The following SETX variants were observed in gnomAD, a reference collection of about 807,000 sequenced individuals.
SETX encodes senataxin, also known as helicase senataxin.
In SETX, 90 loss-of-function variants were observed where a neutral mutation model predicts 227.2. The ratio of observed to expected loss-of-function variants is 0.40; its 90% confidence interval spans 0.33 to 0.47. The LOEUF is 0.47. Among genes scored for constraint, SETX ranks in the 20% least tolerant of loss-of-function variants. The probability of loss-of-function intolerance (pLI) is 0.91; values close to 1 mark genes in which losing one functional copy is unlikely to be tolerated. For synonymous variants in SETX, 1,210 were observed against 1,113.2 expected (o/e 1.09, Z -1.73); for missense variants, 3,052 against 3,181.5 (o/e 0.96, Z 0.98).
chr9:132,321,518 A>C (rs992845805), intron 10 of SETX, among the ~76,000 whole-genome samples: 1 of 152,090 alleles, frequency 6.6e-6, no homozygotes, highest in Non-Finnish European at 1.5e-5. Context: ...TTAGCCAGGC[A>C]TGGTGGCAGG....
chr9:132,265,326 C>T (rs1002217548), intron 25 of SETX, among the ~76,000 whole-genome samples: 1 of 149,604 alleles, frequency 6.7e-6, no homozygotes, highest in African/African-American at 2.5e-5. Flanking sequence ...CCCGGGTTCA[C>T]GCCATTCTCC....
intron 10 of SETX, among the ~76,000 whole-genome samples, chr9:132,321,688 A>AC (rs1486144858): frequency 6.7e-6 from 1 of 148,578 alleles, no homozygotes; most frequent in African/African-American, 2.5e-5. Flanking sequence ...AAAAAAAAAA[A>AC]CCCACAAAAA....
chr9:132,281,330 C>A (rs1843488620), intron 20 of SETX, 137 bp downstream of exon 20: 1 of 670,756 alleles, frequency 1.5e-6, no homozygotes, highest in Non-Finnish European at 2.7e-6. Context: ...TTATTAAGTG[C>A]TTCTCTTTTC....
At chr9:132,292,194 G>C (rs1209907748) in intron 15 of SETX, among the ~76,000 whole-genome samples, 1 of 152,008 alleles carries the variant, frequency 6.6e-6, no homozygotes. Context: ...TGTAATCCCA[G>C]CACCTTGGGA....
At chr9:132,299,890 C>T (rs867112480) in intron 12 of SETX, among the ~76,000 whole-genome samples, 17 of 151,956 alleles carry the variant, frequency 1.1e-4, no homozygotes, top group Middle Eastern at 3.4e-3. Context: ...CGCCTGTAAT[C>T]CCAGCACTTT....
chr9:132,289,635 C>G (rs1170653934), intron 15 of SETX, among the ~76,000 whole-genome samples: 1 of 152,116 alleles, frequency 6.6e-6, no homozygotes, highest in Non-Finnish European at 1.5e-5. Context: ...ATTTTCAGAA[C>G]AGAATCTTAT....
chr9:132,284,662 C>A (rs974730711), intron 18 of SETX, among the ~76,000 whole-genome samples: 1 of 152,188 alleles, frequency 6.6e-6, no homozygotes, highest in Non-Finnish European at 1.5e-5. Flanking sequence ...TATGATCCAA[C>A]ACAAGTACAG....
chr9:132,298,200 T>C lies in SETX; in HGVS notation c.5661A>G (p.Gln1887=), dbSNP rs1589671916. Residue 1887 remains glutamine (Q), a synonymous_variant, in exon 13 of 26, where the codon CAA becomes CAG. Coordinates refer to ENST00000224140, the MANE Select transcript of SETX (RefSeq NM_015046.7). The part of the protein sequence containing the change: ...CIVISSLVTT[Q]RKLKAMSLLG... ...ACAGAGACATGGCTTTCAACTTCCT[T>C]TGTGTAGTTACCAGAGAACTGATTA... is the stretch of plus-strand genomic sequence containing the variant. The C allele has an allele frequency of 9.9e-6, 16 of 1,613,976 alleles. No homozygotes were observed. The highest frequency in any genetic ancestry group is 1.3e-5 in the African/African-American group (1 of 74,922).
chr9:132,300,721 A>G lies in SETX; in HGVS notation c.5457T>C (p.Asn1819=). The G allele has an allele frequency of 3.1e-6, 5 of 1,613,618 alleles. No individual in the cohort carries two copies. The highest frequency in any genetic ancestry group is 4.2e-6 in the Non-Finnish European group (5 of 1,179,844). Residue 1819 remains asparagine, a synonymous_variant, in exon 12 of 26, where the codon AAT becomes AAC. Coordinates refer to ENST00000224140, the MANE Select transcript of SETX (RefSeq NM_015046.7). ...TTCTCTCTGTATCTTTCTTCTCTTC[A>G]TTTATTCTCTCAGGAGCTAAAAACA... The part of the protein sequence containing the change: ...DLVFLAPERI[N]EEKKDTERND...
intron 15 of SETX, among the ~76,000 whole-genome samples, chr9:132,292,460 T>C (rs904144385): frequency 7.2e-6 from 1 of 139,456 alleles, no homozygotes. Context: ...AGACTTATAA[T>C]CATTAATGAC....
rs571084240 is a variant in SETX, at chr9:132,297,972, C to A, written c.5781+108G>T. 91 of 950,636 alleles carry A rather than the reference C, an allele frequency of 9.6e-5. 1 individual carries two copies. Among genetic ancestry groups the A allele is most frequent in the Non-Finnish European group, 7.2e-5 (43 of 600,896 alleles). 58.9% of individuals were successfully genotyped at this position (950,636 alleles called of 1,614,324 possible). Reference sequence around the variant, plus strand: ...AAGAAAACTAACACTAAACTGTTCACCGTGAACACATTTTTGTTGTAAACA... The same window carrying A: ...AAGAAAACTAACACTAAACTGTTCAACGTGAACACATTTTTGTTGTAAACA... On this transcript the variant is annotated intron_variant, in intron 13 of 25. Coordinates refer to ENST00000224140, the MANE Select transcript of SETX (RefSeq NM_015046.7).
At chr9:132,330,547 GA>G in intron 9 of SETX, 48 bp from the exon 10 acceptor site, 3 of 1,537,842 alleles carry the variant, frequency 2.0e-6, no homozygotes, top group Non-Finnish European at 2.7e-6. Flanking sequence ...CACCACTTAT[GA>G]CAGGTTCAAC....
intron 14 of SETX, 118 bp from the exon 15 acceptor site, chr9:132,296,146 G>A: frequency 7.8e-7 from 1 of 1,286,674 alleles, no homozygotes; most frequent in South Asian, 1.3e-5. Flanking sequence ...TCGTAATAAA[G>A]TTAAAAATAA....
chr9:132,339,766 C>T (rs1450522390), intron 5 of SETX, among the ~76,000 whole-genome samples: 4 of 152,148 alleles, frequency 2.6e-5, no homozygotes, highest in Non-Finnish European at 4.4e-5. Context: ...GCACACACCA[C>T]CACACCTGCC....
At chr9:132,278,402 G>T in intron 20 of SETX, 145 bp from the exon 21 acceptor site, 1 of 514,026 alleles carries the variant, frequency 1.9e-6, no homozygotes, top group Non-Finnish European at 3.5e-6. Flanking sequence ...GAGAAAAAAG[G>T]TGTTTCTGAC....
At chr9:132,324,429 C>G (rs524007) in intron 10 of SETX, among the ~76,000 whole-genome samples, 113,912 of 152,030 alleles carry the variant, frequency 0.75, 43,985 homozygotes, top group Non-Finnish European at 0.84. Context: ...TTGTAGTAGA[C>G]TTGTCCCTTT....
Position 132,328,591 on chromosome 9 carries a change from T to C in SETX, c.3007A>G (p.Asn1003Asp). 1 of 1,613,900 alleles carries C rather than the reference T, an allele frequency of 6.2e-7. No homozygotes were observed. Among genetic ancestry groups the C allele is most frequent in the South Asian group, 1.1e-5 (1 of 90,994 alleles). ...CCACGGGAGGTATCTCCAACATTATTTTGGTTAGCTGTGAAACATCTTTTA... is the reference window on the plus strand; with the variant it reads ...CCACGGGAGGTATCTCCAACATTATCTTGGTTAGCTGTGAAACATCTTTTA... ...EDKRCFTANQ[N>D]NVGDTSRGQV... Residue 1003 changes from asparagine (N) to aspartate (D), a missense_variant, in exon 10 of 26, where the codon AAT becomes GAT. Physicochemically the swap from Asn to Asp is conservative, Grantham distance 23 (BLOSUM62 1). Transcript: ENST00000224140.
chr9:132,278,872 A>C (rs967678566), intron 20 of SETX, among the ~76,000 whole-genome samples: 1 of 151,986 alleles, frequency 6.6e-6, no homozygotes, highest in Non-Finnish European at 1.5e-5. Context: ...TCATCCATCT[A>C]ATATGTACTA....
At chr9:132,321,664 A>AG in intron 10 of SETX, among the ~76,000 whole-genome samples, 1 of 148,326 alleles carries the variant, frequency 6.7e-6, no homozygotes, top group South Asian at 2.1e-4. Flanking sequence ...CAAAAAAAAA[A>AG]AAAAAAAAAC....
Sources: allele counts gnomAD v4.1 joint callset (sites outside exome capture counted in the v4.1 genomes callset), GRCh38; gene constraint gnomAD v4.1.1; transcripts MANE v1.5; gene names NCBI Gene and HGNC (gene_info 2026-07-23, HGNC 2026-07-21).